ADCYAP1R1: variants seen among roughly 807,000 people sequenced by gnomAD.
ADCYAP1R1 encodes the protein ADCYAP receptor type I, also known as pituitary adenylate cyclase-activating polypeptide type I receptor.
A neutral mutation model predicts 67.6 loss-of-function variants in ADCYAP1R1; 44 were observed. The ratio of observed to expected loss-of-function variants is 0.65; its 90% CI spans 0.51 to 0.84. The LOEUF is 0.84. Among genes scored for constraint, ADCYAP1R1 ranks in the 40% least tolerant of loss-of-function variants. The pLI is 0.00. For missense variants in ADCYAP1R1, 477 were observed against 587.9 expected (o/e 0.81, Z 1.95); for synonymous variants, 222 against 219.6 (o/e 1.01, Z -0.10).
chr7:31,111,128 A>G lies in ADCYAP1R1; in HGVS notation c.*4444A>G, dbSNP rs1193109495. ...ATAGCAGCCATGCCCCTGGGAGTCA[A>G]CTTCAAGGATCTGGGACATTTTGGT... On this transcript the variant is annotated 3_prime_UTR_variant, in exon 16 of 16. Transcript: ENST00000304166. The G allele has an allele frequency of 3.3e-5, 5 of 152,224 alleles. No homozygotes were observed. The highest frequency in any genetic ancestry group is 4.1e-4 in the South Asian group (2 of 4,828). 9.4% of individuals were successfully genotyped at this position (152,224 alleles called of 1,614,324 possible).
intron 12 of ADCYAP1R1, among the ~76,000 whole-genome samples, chr7:31,092,313 A>G (rs1305774558): frequency 6.6e-6 from 1 of 151,840 alleles, no homozygotes; most frequent in Non-Finnish European, 1.5e-5. Context: ...CACTTCTGCA[A>G]TAGTCTTACT....
At position 31,103,512 on chromosome 7, in the gene ADCYAP1R1, C is replaced by G. The variant is rs1399272066; in HGVS notation, c.1176+146C>G. 5 of 1,118,192 alleles carry G rather than the reference C, an allele frequency of 4.5e-6. No homozygotes were observed. In the East Asian group the frequency reaches 1.3e-4, roughly 28 times the overall value. The allele number at this position is 1,118,192 out of a possible 1,614,324, so 69.3% of individuals were successfully genotyped here. On this transcript the variant is annotated intron_variant, in intron 14 of 15. Coordinates refer to ENST00000304166, the MANE Select transcript of ADCYAP1R1 (RefSeq NM_001118.5). ...TGAGGGAGCCCTGTCTGCTGTCTAC[C>G]CTTAGGGCTCCTGTAAGAAGACACA...
intron 3 of ADCYAP1R1, among the ~76,000 whole-genome samples, chr7:31,076,693 C>T (rs1172416732): frequency 1.3e-5 from 2 of 152,170 alleles, no homozygotes; most frequent in African/African-American, 4.8e-5. Context: ...GCTGGCTTTC[C>T]CCTCTTCTCC....
chr7:31,076,185 G>A (rs540071192), intron 3 of ADCYAP1R1, among the ~76,000 whole-genome samples: 3 of 152,202 alleles, frequency 2.0e-5, no homozygotes, highest in Non-Finnish European at 4.4e-5. Context: ...CAGGGTGGGC[G>A]GCCAAAGGCA....
chr7:31,075,381 C>G (rs999357561), intron 3 of ADCYAP1R1, among the ~76,000 whole-genome samples: 1 of 152,108 alleles, frequency 6.6e-6, no homozygotes, highest in African/African-American at 2.4e-5. Flanking sequence ...CACAGAAGCC[C>G]TCTCCATAGC....
At chr7:31,096,777 G>T (rs566870695) in intron 13 of ADCYAP1R1, among the ~76,000 whole-genome samples, 1 of 152,108 alleles carries the variant, frequency 6.6e-6, no homozygotes, top group African/African-American at 2.4e-5. Flanking sequence ...GGGCTCCGGG[G>T]GTGCACAGCA....
chr7:31,087,478 C>A, intron 11 of ADCYAP1R1, 149 bp from the exon 12 acceptor site: 1 of 697,372 alleles, frequency 1.4e-6, no homozygotes, highest in Non-Finnish European at 2.5e-6. Context: ...GTCTGTAGCC[C>A]GCTGGAGAGC....
intron 13 of ADCYAP1R1, among the ~76,000 whole-genome samples, chr7:31,099,590 A>G (rs1796350113): frequency 1.3e-5 from 2 of 152,142 alleles, no homozygotes; most frequent in South Asian, 4.1e-4. Context: ...GAAGCTGTGG[A>G]CCAGAGGAGA....
chr7:31,060,498 T>TG (rs1794456359), intron 1 of ADCYAP1R1, among the ~76,000 whole-genome samples: 1 of 150,560 alleles, frequency 6.6e-6, no homozygotes, highest in African/African-American at 2.5e-5. Flanking sequence ...AGTGTGTGTG[T>TG]GTGGTGTGTG....
intron 3 of ADCYAP1R1, among the ~76,000 whole-genome samples, chr7:31,071,051 G>A (rs1794953310): frequency 6.6e-6 from 1 of 152,180 alleles, no homozygotes; most frequent in African/African-American, 2.4e-5. Context: ...TGCTAAAATG[G>A]GGACCTTGTT....
At chr7:31,053,818 G>A (rs1794127498) in intron 1 of ADCYAP1R1, among the ~76,000 whole-genome samples, 1 of 152,216 alleles carries the variant, frequency 6.6e-6, no homozygotes, top group South Asian at 2.1e-4. Context: ...GCTGGACGCA[G>A]CATGTGGAGG....
chr7:31,081,883 CT>C, intron 6 of ADCYAP1R1, 129 bp downstream of exon 6: 1 of 654,640 alleles, frequency 1.5e-6, no homozygotes, highest in Non-Finnish European at 2.6e-6. Context: ...TGGCAGGTGA[CT>C]TTTTTTCTCT....
intron 12 of ADCYAP1R1, among the ~76,000 whole-genome samples, chr7:31,089,954 G>A (rs1320626602): frequency 3.3e-5 from 5 of 152,094 alleles, no homozygotes; most frequent in African/African-American, 1.2e-4. Context: ...TTAGGTACAC[G>A]TGTGTGTGTA....
chr7:31,069,741 G>A (rs1794895991), intron 3 of ADCYAP1R1, among the ~76,000 whole-genome samples: 1 of 152,156 alleles, frequency 6.6e-6, no homozygotes, highest in Non-Finnish European at 1.5e-5. Flanking sequence ...TGGTAGCCAG[G>A]AGACAGATGC....
intron 1 of ADCYAP1R1, among the ~76,000 whole-genome samples, chr7:31,061,776 G>T (rs1197000765): frequency 6.6e-6 from 1 of 152,162 alleles, no homozygotes; most frequent in East Asian, 1.9e-4. Flanking sequence ...GAGGGGACGT[G>T]GTTAAGCAGA....
chr7:31,088,984 GAATGTGGC>G (rs1198016031), intron 12 of ADCYAP1R1, among the ~76,000 whole-genome samples: 6 of 152,172 alleles, frequency 3.9e-5, no homozygotes, highest in Admixed American at 3.3e-4. Context: ...TCCTCTCCAA[GAATGTGGC>G]ATGATTCTCC....
At chr7:31,061,658 G>A (rs1290387827) in intron 1 of ADCYAP1R1, among the ~76,000 whole-genome samples, 1 of 152,186 alleles carries the variant, frequency 6.6e-6, no homozygotes, top group Non-Finnish European at 1.5e-5. Flanking sequence ...GGAGATGGGG[G>A]CTCCCTCTTT....
chr7:31,099,769 G>A lies in ADCYAP1R1; in HGVS notation c.1047-3468G>A, dbSNP rs927042590. 7.9e-5 allele frequency among the ~76,000 whole-genome samples: 12 copies of A among 152,320 alleles called. 1 individual carries two copies. The East Asian group carries it at 2.3e-3, about 29-fold the overall frequency. On this transcript the variant is annotated intron_variant, in intron 13 of 15. Coordinates refer to ENST00000304166, the MANE Select transcript of ADCYAP1R1 (RefSeq NM_001118.5). ...TTGTTGAGTGGGACCTTGACGAGGCGGGGCTCTAAGCTTGGAGCCAACTCT... is the reference window on the plus strand; with the variant it reads ...TTGTTGAGTGGGACCTTGACGAGGCAGGGCTCTAAGCTTGGAGCCAACTCT...
rs866060535 is a variant in ADCYAP1R1, at chr7:31,108,041, T to A, written c.*1357T>A. On this transcript the variant is annotated 3_prime_UTR_variant, in exon 16 of 16. Transcript: ENST00000304166. ...TAGAGGAAAGTGCTAGAGTACATGG[T>A]CCGTGTGTGGCCTAGCTCATTCCAT... 1 of 152,256 alleles carries A rather than the reference T, an allele frequency of 6.6e-6. No homozygotes were observed. The highest frequency in any genetic ancestry group is 1.9e-4 in the East Asian group (1 of 5,196). The allele number at this position is 152,256 out of a possible 1,614,324, so 9.4% of individuals were successfully genotyped here.
Sources: gnomAD v4.1 joint callset for allele counts (sites outside exome capture counted in the v4.1 genomes callset) on GRCh38, gnomAD v4.1.1 for gene constraint, MANE v1.5 for transcripts, NCBI Gene and HGNC (gene_info 2026-07-23, HGNC 2026-07-21) for gene names.